The following CELF4 variants were observed in gnomAD, a reference collection of about 807,000 sequenced individuals.
CELF4 encodes CUGBP Elav-like family member 4, also known as CUG-BP- and ETR-3-like factor 4.
In CELF4, 18 loss-of-function variants were observed where a neutral mutation model predicts 59.9. The observed-to-expected ratio is 0.30, with a 90% CI of 0.21 to 0.45. CELF4 has a LOEUF of 0.45. CELF4 is among the 20% of genes least tolerant of loss of function. The probability of loss-of-function intolerance (pLI) is 1.00; values close to 1 mark genes in which losing one functional copy is unlikely to be tolerated. For synonymous variants in CELF4, 261 were observed against 267.1 expected (o/e 0.98, Z 0.22); for missense variants, 456 against 689.0 (o/e 0.66, Z 3.79).
At chr18:37,266,493 G>A (rs945600743) in intron 9 of CELF4, 40 bp downstream of exon 9, 31 of 1,554,296 alleles carry the variant, frequency 2.0e-5, no homozygotes, top group East Asian at 7.0e-5. Flanking sequence ...AGAGATAAAC[G>A]GAGTTGGGGA....
intron 3 of CELF4, among the ~76,000 whole-genome samples, chr18:37,279,112 G>A (rs1297092006): frequency 1.3e-5 from 2 of 152,172 alleles, no homozygotes; most frequent in Non-Finnish European, 2.9e-5. Context: ...CCTAAGCTGG[G>A]ACCCCTGGTA....
At chr18:37,453,659 T>G (rs1157829119) in intron 2 of CELF4, among the ~76,000 whole-genome samples, 2 of 152,008 alleles carry the variant, frequency 1.3e-5, no homozygotes, top group Admixed American at 6.6e-5. Context: ...GCACAGAGCA[T>G]CGGGGGTCAA....
chr18:37,558,977 G>A (rs1392467125), intron 1 of CELF4, among the ~76,000 whole-genome samples: 2 of 152,070 alleles, frequency 1.3e-5, no homozygotes, highest in Non-Finnish European at 2.9e-5. Context: ...GAGTCAGTGG[G>A]TGAGCAGAAG....
chr18:37,409,354 A>G (rs947819540), intron 2 of CELF4, among the ~76,000 whole-genome samples: 9 of 152,064 alleles, frequency 5.9e-5, no homozygotes, highest in Admixed American at 2.0e-4. Context: ...ACCATGTTTG[A>G]GCTAGGAGGA....
At chr18:37,309,980 A>G (rs1216109642) in intron 3 of CELF4, among the ~76,000 whole-genome samples, 1 of 151,404 alleles carries the variant, frequency 6.6e-6, no homozygotes, top group East Asian at 1.9e-4. Context: ...TGCTCAATAT[A>G]GCTGTGGCCC....
At position 37,303,740 on chromosome 18, in the gene CELF4, C is replaced by G. The variant is rs527750062; in HGVS notation, c.448+18063G>C. On this transcript the variant is annotated intron_variant, in intron 3 of 12. Transcript: ENST00000420428. ...TCCTCCAAAATCCCTCCCAGGCTAG[C>G]CTTGTGGGCTTTGGGGGATTCACAG... Among the ~76,000 whole-genome samples the G allele has an allele frequency of 3.9e-5, 6 of 152,340 alleles. No individual in the cohort carries two copies. The East Asian group carries it at 1.2e-3, about 29-fold the overall frequency.
At chr18:37,334,905 C>G (rs997277613) in intron 2 of CELF4, among the ~76,000 whole-genome samples, 6 of 152,114 alleles carry the variant, frequency 3.9e-5, no homozygotes, top group African/African-American at 7.2e-5. Flanking sequence ...GCCGGCCAAG[C>G]ACAAACCTGA....
At chr18:37,502,439 T>C (rs1171075170) in intron 1 of CELF4, among the ~76,000 whole-genome samples, 1 of 152,118 alleles carries the variant, frequency 6.6e-6, no homozygotes, top group Non-Finnish European at 1.5e-5. Flanking sequence ...AGGGCTCTGC[T>C]TCTTTTCTTC....
chr18:37,482,182 C>G (rs2099869651), intron 2 of CELF4, among the ~76,000 whole-genome samples: 1 of 152,150 alleles, frequency 6.6e-6, no homozygotes, highest in African/African-American at 2.4e-5. Context: ...TTTTTCTTAT[C>G]TCTGTATTTT....
chr18:37,381,752 G>A (rs1295100193), intron 2 of CELF4, among the ~76,000 whole-genome samples: 1 of 152,198 alleles, frequency 6.6e-6, no homozygotes, highest in African/African-American at 2.4e-5. Flanking sequence ...TCTGGGTCAA[G>A]GCTCAGATTC....
At chr18:37,309,375 T>A (rs1422850785) in intron 3 of CELF4, among the ~76,000 whole-genome samples, 1 of 152,204 alleles carries the variant, frequency 6.6e-6, no homozygotes, top group Non-Finnish European at 1.5e-5. Context: ...TGTGCAGGGC[T>A]GCTGTAAGGC....
chr18:37,383,151 G>A (rs1159063143), intron 2 of CELF4, among the ~76,000 whole-genome samples: 1 of 152,148 alleles, frequency 6.6e-6, no homozygotes, highest in Non-Finnish European at 1.5e-5. Context: ...GCAAAGTGCT[G>A]GAATTACTTA....
Position 37,539,481 on chromosome 18 carries a change from ACACACACACACG to A in CELF4, c.286+25863_286+25874del, listed in dbSNP as rs2099976192. 7.2e-5 allele frequency among the ~76,000 whole-genome samples: 11 copies of A among 152,070 alleles called. No individual in the cohort carries two copies. In the South Asian group the frequency reaches 2.1e-3, roughly 29 times the overall value. On this transcript the variant is annotated intron_variant, in intron 1 of 12. Transcript: ENST00000420428. ...CACACACACACACACAAACACACAC[ACACACACACACG>A]CGTGCACGTGCACACACAGACACAC...
chr18:37,480,861 G>T (rs1378793189), intron 2 of CELF4, among the ~76,000 whole-genome samples: 2 of 152,006 alleles, frequency 1.3e-5, no homozygotes, highest in East Asian at 1.9e-4. Flanking sequence ...GAAAGAAAAA[G>T]AAAAAGAAAG....
At chr18:37,467,360 G>T (rs535137639) in intron 2 of CELF4, among the ~76,000 whole-genome samples, 1 of 152,308 alleles carries the variant, frequency 6.6e-6, no homozygotes, top group Admixed American at 6.5e-5. Context: ...TGCAGGCCAT[G>T]TCTGGAACTC....
intron 2 of CELF4, among the ~76,000 whole-genome samples, chr18:37,424,287 G>C (rs148295312): frequency 3.3e-5 from 5 of 152,116 alleles, no homozygotes; most frequent in Non-Finnish European, 5.9e-5. Context: ...CTATGCAGGC[G>C]TATGGAGCCA....
chr18:37,387,365 G>A (rs1233987089), intron 2 of CELF4, among the ~76,000 whole-genome samples: 1 of 152,220 alleles, frequency 6.6e-6, no homozygotes, highest in Non-Finnish European at 1.5e-5. Flanking sequence ...ACCCTGGCTG[G>A]CTTCTGCCTT....
chr18:37,331,333 C>A (rs544482888), intron 2 of CELF4, among the ~76,000 whole-genome samples: 1 of 152,336 alleles, frequency 6.6e-6, no homozygotes, highest in South Asian at 2.1e-4. Context: ...TTTGCCTCCT[C>A]CTCCAGCAAG....
At chr18:37,439,182 C>T (rs1466075040) in intron 2 of CELF4, among the ~76,000 whole-genome samples, 1 of 152,168 alleles carries the variant, frequency 6.6e-6, no homozygotes, top group Non-Finnish European at 1.5e-5. Flanking sequence ...CAGAGGCAGG[C>T]CTGGCTGCAG....
Sources: gnomAD v4.1 joint callset for allele counts (sites outside exome capture counted in the v4.1 genomes callset) on GRCh38, gnomAD v4.1.1 for gene constraint, MANE v1.5 for transcripts, NCBI Gene and HGNC (gene_info 2026-07-23, HGNC 2026-07-21) for gene names.